Variants in AGO2 observed in about 807,000 individuals in gnomAD.
AGO2 encodes protein argonaute-2.
Under a neutral mutation model 102.3 loss-of-function variants are expected in AGO2, and 5 were observed. The observed-to-expected ratio is 0.05, with a 90% CI of 0.03 to 0.10. AGO2 has a LOEUF of 0.10. Ranked by LOEUF, AGO2 falls within the 10% of genes least tolerant of loss-of-function variation. The probability of loss-of-function intolerance (pLI) is 1.00; values close to 1 mark genes in which losing one functional copy is unlikely to be tolerated. For missense variants in AGO2, 541 were observed against 1,183.7 expected (o/e 0.46, Z 7.97); for synonymous variants, 449 against 473.1 (o/e 0.95, Z 0.66).
intron 1 of AGO2, among the ~76,000 whole-genome samples, chr8:140,607,059 G>C (rs2074007242): frequency 6.6e-6 from 1 of 152,050 alleles, no homozygotes; most frequent in African/African-American, 2.4e-5. Flanking sequence ...AGACCAGCCT[G>C]ACCAACATGG....
chr8:140,569,165 C>G (rs1296240515), intron 3 of AGO2, among the ~76,000 whole-genome samples: 4 of 152,270 alleles, frequency 2.6e-5, no homozygotes, highest in African/African-American at 9.6e-5. Flanking sequence ...CATGGCTGAG[C>G]TGCACAGAGA....
At chr8:140,616,340 C>T (rs529719726) in intron 1 of AGO2, among the ~76,000 whole-genome samples, 4 of 152,358 alleles carry the variant, frequency 2.6e-5, no homozygotes, top group East Asian at 1.9e-4. Flanking sequence ...CAGGCACCAA[C>T]GGCTTCCTAT....
At chr8:140,551,476 A>G (rs777097129) in intron 10 of AGO2, 40 bp from the exon 11 acceptor site, 25 of 1,478,536 alleles carry the variant, frequency 1.7e-5, no homozygotes, top group Non-Finnish European at 2.1e-5. Context: ...AAAAAATGGA[A>G]AACATATTCC....
rs565500195 is a variant in AGO2 at position 140,553,625 on chromosome 8, T to C, written c.1270-2189A>G. On this transcript the variant is annotated intron_variant, in intron 10 of 18. Transcript: ENST00000220592. ...GATTTCTCCATGTTGGTCAGGCTGG[T>C]CTCGAATTCCTGACCTCAGGTGATC... is the stretch of plus-strand genomic sequence containing the variant. Among the ~76,000 whole-genome samples the C allele has an allele frequency of 2.2e-3, 339 of 152,008 alleles. 2 individuals carry two copies. In the Middle Eastern group the frequency reaches 0.027, roughly 12 times the overall value.
intron 11 of AGO2, among the ~76,000 whole-genome samples, chr8:140,550,129 AC>A (rs766750436): frequency 2.0e-5 from 3 of 151,586 alleles, no homozygotes; most frequent in African/African-American, 7.3e-5. Flanking sequence ...TGCTTCCCAA[AC>A]CCCCTCTCTA....
the AGO2 span, among the ~76,000 whole-genome samples, chr8:140,641,245 A>G: frequency 6.6e-6 from 1 of 151,388 alleles, no homozygotes; most frequent in Non-Finnish European, 1.5e-5. Context: ...GTGAGCTGTG[A>G]TTGTACCACT....
intron 1 of AGO2, among the ~76,000 whole-genome samples, chr8:140,619,496 C>T (rs1204564835): frequency 6.6e-6 from 1 of 152,192 alleles, no homozygotes; most frequent in Non-Finnish European, 1.5e-5. Context: ...ACAGACCTGG[C>T]GCCAGGGACC....
Position 140,618,138 on chromosome 8 carries a change from C to T in AGO2, c.22+17347G>A, listed in dbSNP as rs189326451. ...CCAACACGGTGAAACCCTGCCAACA[C>T]GGTGAAACCCCGTCTCTACTAAAAA... On this transcript the variant is annotated intron_variant, in intron 1 of 18. Coordinates refer to ENST00000220592, the MANE Select transcript of AGO2 (RefSeq NM_012154.5). Among the ~76,000 whole-genome samples, 215 of 152,126 alleles carry T rather than the reference C, an allele frequency of 1.4e-3. 2 individuals carry two copies. Among genetic ancestry groups the T allele is most frequent in the South Asian group, 4.2e-3 (20 of 4,814 alleles).
At chr8:140,569,757 C>A (rs559190704) in intron 3 of AGO2, among the ~76,000 whole-genome samples, 10 of 152,194 alleles carry the variant, frequency 6.6e-5, no homozygotes, top group African/African-American at 2.2e-4. Context: ...GCGGTCCCAG[C>A]GTCTCCCGGG....
intron 1 of AGO2, among the ~76,000 whole-genome samples, chr8:140,622,125 G>A (rs78169442): frequency 0.038 from 5,745 of 152,320 alleles, 369 homozygotes; most frequent in African/African-American, 0.13. Context: ...AGTGAAAGAA[G>A]GAGACACAAG....
At chr8:140,566,752 CAG>C (rs1564091030) in intron 3 of AGO2, among the ~76,000 whole-genome samples, 1 of 152,142 alleles carries the variant, frequency 6.6e-6, no homozygotes, top group Non-Finnish European at 1.5e-5. Context: ...GAAAGGGAGA[CAG>C]AGTCTCTATG....
chr8:140,543,461 C>A (rs1401462561), intron 14 of AGO2, among the ~76,000 whole-genome samples: 1 of 152,182 alleles, frequency 6.6e-6, no homozygotes, highest in Non-Finnish European at 1.5e-5. Context: ...GTAGCATTTT[C>A]TTTTTCTTTT....
At position 140,549,102 on chromosome 8, in the gene AGO2, G is replaced by A. The variant is rs139035572; in HGVS notation, c.1588+12C>T. ...ACGGCTCCCCACAGCCAGCGGGAGC[G>A]CCCACACCTACCGTACACGGGCGTC... is the stretch of plus-strand genomic sequence containing the variant. On this transcript the variant is annotated intron_variant, in intron 12 of 18. Coordinates refer to ENST00000220592, the MANE Select transcript of AGO2 (RefSeq NM_012154.5). 6.9e-4 allele frequency: 1,099 copies of A among 1,587,514 alleles called. 7 individuals are homozygous for A. In the African/African-American group the frequency reaches 0.011, roughly 16 times the overall value.
chr8:140,552,492 A>G (rs2073015126), intron 10 of AGO2, among the ~76,000 whole-genome samples: 1 of 152,136 alleles, frequency 6.6e-6, no homozygotes, highest in African/African-American at 2.4e-5. Context: ...TTTACTCTGG[A>G]GAGGTTTTTG....
At position 140,572,890 on chromosome 8, in the gene AGO2, G is replaced by A. The variant is rs367630912; in HGVS notation, c.258C>T (p.Ile86=). 8 of 1,613,914 alleles carry A rather than the reference G, an allele frequency of 5.0e-6. No homozygotes were observed. The Admixed American group carries it at 5.0e-5, about 10-fold the overall frequency. ...CAAACACGGGCTTCCGATCCCCAAA[G>A]ATCTGTGTTTTAAAGTGCTGGACCA... is the stretch of plus-strand genomic sequence containing the variant. The part of the protein sequence containing the change: ...EHMVQHFKTQ[I]FGDRKPVFDG... The change falls in exon 3 of 19, where the codon ATC becomes ATT. Residue 86 remains isoleucine (I), a synonymous_variant. Transcript: ENST00000220592.
rs1211409283 is a variant in AGO2 at position 140,567,983 on chromosome 8, G to T, written c.336+4829C>A. Among the ~76,000 whole-genome samples, 1 of 151,826 alleles carries T rather than the reference G, an allele frequency of 6.6e-6. No homozygotes were observed. Among genetic ancestry groups the T allele is most frequent in the Non-Finnish European group, 1.5e-5 (1 of 67,962 alleles). On this transcript the variant is annotated intron_variant, in intron 3 of 18. Transcript: ENST00000220592. This position sits in a 1 kb window ranked among gnomAD's most constrained non-coding sequence, Gnocchi z 5.0. ...CCTACAAAAAGAAAATTAGTGGCGG[G>T]GCACAGTGGCTCACACCTGTAATCT... is the stretch of plus-strand genomic sequence containing the variant.
chr8:140,556,546 G>A (rs567282955), intron 8 of AGO2, among the ~76,000 whole-genome samples: 2 of 152,138 alleles, frequency 1.3e-5, no homozygotes, highest in Admixed American at 6.5e-5. Flanking sequence ...CACCAGGTGA[G>A]CGGGGCTGTG....
chr8:140,605,145 G>T (rs983669779), intron 1 of AGO2, among the ~76,000 whole-genome samples: 2 of 152,050 alleles, frequency 1.3e-5, no homozygotes, highest in African/African-American at 4.8e-5. Flanking sequence ...ACTGAAGCTG[G>T]AATGCAGTGT....
At chr8:140,614,015 C>CAAAAAAAA (rs59000809) in intron 1 of AGO2, among the ~76,000 whole-genome samples, 10 of 57,626 alleles carry the variant, frequency 1.7e-4, no homozygotes, top group Admixed American at 5.3e-4. Context: ...GACCCTGTCT[C>CAAAAAAAA]AAAAAAAAAA....
Sources: allele counts gnomAD v4.1 joint callset (sites outside exome capture counted in the v4.1 genomes callset), GRCh38; gene constraint gnomAD v4.1.1; non-coding constraint Gnocchi (gnomAD v3.1); transcripts MANE v1.5; gene names NCBI Gene and HGNC (gene_info 2026-07-23, HGNC 2026-07-21).